The following NLRP11 variants were observed in gnomAD, a reference collection of about 807,000 sequenced individuals.
NLRP11 encodes NLR family pyrin domain containing 11, also known as NACHT, LRR and PYD domains-containing protein 11.
NLRP11 carries 53 observed loss-of-function variants against 79.3 expected under a neutral mutation model. That is an observed-to-expected ratio of 0.67 (90% CI 0.54 to 0.84). The LOEUF (loss-of-function observed/expected upper bound fraction) is 0.84, where lower values mean the gene tolerates loss of function less well. Ranked by LOEUF, NLRP11 falls within the 40% of genes least tolerant of loss-of-function variation. The probability of loss-of-function intolerance (pLI) is 0.00; values close to 1 mark genes in which losing one functional copy is unlikely to be tolerated. For missense variants in NLRP11, 1,264 were observed against 1,255.0 expected (o/e 1.01, Z -0.11); for synonymous variants, 518 against 462.6 (o/e 1.12, Z -1.54).
chr19:55,789,028 G>C (rs1990077556), intron 8 of NLRP11, 51 bp from the exon 9 acceptor site: 6 of 1,599,188 alleles, frequency 3.8e-6, no homozygotes, highest in Non-Finnish European at 5.1e-6. Flanking sequence ...GAGGAAAAAT[G>C]GCAGATGAGA....
intron 5 of NLRP11, among the ~76,000 whole-genome samples, chr19:55,796,941 G>C (rs938723329): frequency 6.6e-6 from 1 of 151,948 alleles, no homozygotes; most frequent in Admixed American, 6.5e-5. Context: ...CACCCGCCTC[G>C]GCCTCCCAAA....
At chr19:55,788,921 G>A (rs150476919) in exon 9 of NLRP11, 9 of 1,613,894 alleles carry the variant, frequency 5.6e-6, no homozygotes, top group Non-Finnish European at 7.6e-6. Flanking sequence ...TTTGTTGGTG[G>A]TAAGAACAGA....
At chr19:55,834,617 G>A (rs1281312539), upstream of NLRP11, among the ~76,000 whole-genome samples, 1 of 152,160 alleles carries the variant, frequency 6.6e-6, no homozygotes, top group Admixed American at 6.5e-5. Flanking sequence ...TTCCACTCAG[G>A]TAATCCAAAA....
At chr19:55,827,167 G>A (rs1041323692) in intron 1 of NLRP11, among the ~76,000 whole-genome samples, 1 of 137,534 alleles carries the variant, frequency 7.3e-6, no homozygotes, top group African/African-American at 3.0e-5. Flanking sequence ...AATGGGGAAA[G>A]GATTCCCTAT....
Position 55,819,180 on chromosome 19 carries a change from C to G in NLRP11, c.-62-944G>C, listed in dbSNP as rs1000240626. Among the ~76,000 whole-genome samples, 10 of 126,952 alleles carry G rather than the reference C, an allele frequency of 7.9e-5. No individual in the cohort carries two copies. The South Asian group carries it at 2.3e-3, about 29-fold the overall frequency. The allele number at this position is 126,952 out of a possible 152,430, so 83.3% of individuals were successfully genotyped here. ...ACACACACACACACACACACACACA[C>G]ACACACACAGGTTGCCTCTTCAATT... is the stretch of plus-strand genomic sequence containing the variant. On this transcript the variant is annotated intron_variant, in intron 1 of 9. Coordinates refer to ENST00000589093, the Ensembl canonical transcript of NLRP11.
At chr19:55,788,530 G>A (rs1990024023) in intron 9 of NLRP11, among the ~76,000 whole-genome samples, 1 of 151,566 alleles carries the variant, frequency 6.6e-6, no homozygotes, top group African/African-American at 2.4e-5. Flanking sequence ...CATGAGGTCA[G>A]GAGATTGAGA....
At chr19:55,808,252 TA>T (rs1980202138) in intron 3 of NLRP11, among the ~76,000 whole-genome samples, 1 of 152,206 alleles carries the variant, frequency 6.6e-6, no homozygotes, top group Non-Finnish European at 1.5e-5. Flanking sequence ...AATGCGAGAT[TA>T]TTAAATATTT....
chr19:55,812,592 G>T (rs1032332620), intron 2 of NLRP11, among the ~76,000 whole-genome samples: 5 of 152,146 alleles, frequency 3.3e-5, no homozygotes, highest in Non-Finnish European at 5.9e-5. Context: ...AAGACAAACG[G>T]TAAGTGTGGG....
chr19:55,791,780 A>G (rs1990248332), intron 7 of NLRP11, among the ~76,000 whole-genome samples: 1 of 152,154 alleles, frequency 6.6e-6, no homozygotes, highest in Admixed American at 6.5e-5. Flanking sequence ...GGCTTGTTAC[A>G]TATTTTTTCC....
chr19:55,820,239 C>G (rs779654227), intron 1 of NLRP11, among the ~76,000 whole-genome samples: 1 of 152,152 alleles, frequency 6.6e-6, no homozygotes, highest in Non-Finnish European at 1.5e-5. Flanking sequence ...AAGGAAGTCA[C>G]TGAGTTTCAG....
chr19:55,831,435 G>A (rs1461180744), intron 1 of NLRP11, among the ~76,000 whole-genome samples: 1 of 151,894 alleles, frequency 6.6e-6, no homozygotes, highest in Non-Finnish European at 1.5e-5. Flanking sequence ...GCTGGCGTGT[G>A]CCTGTCATTC....
In NLRP11 at chr19:55,809,993, T is replaced by C. The variant is rs139853922; in HGVS notation, c.617A>G (p.Asp206Gly). ...AATGGGAGCCTGGCCGTCAGGCCAG[T>C]CCTTGGCGATTAGCTCAGCCAAGCT... Residue 206 changes from aspartate (D) to glycine (G), a missense_variant, in exon 3 of 10, where the codon GAC becomes GGC. Transcript: ENST00000589093. This position sits in a 1 kb window ranked among gnomAD's most constrained non-coding sequence, Gnocchi z 4.5. The C allele has an allele frequency of 1.2e-6, 2 of 1,614,210 alleles. No homozygotes were observed. The highest frequency in any genetic ancestry group is 2.2e-5 in the East Asian group (1 of 44,876).
At chr19:55,827,530 A>G (rs1405138500) in intron 1 of NLRP11, among the ~76,000 whole-genome samples, 1 of 150,242 alleles carries the variant, frequency 6.7e-6, no homozygotes, top group African/African-American at 2.5e-5. Context: ...ACAAAGGGCT[A>G]ATATCCAGAA....
At chr19:55,791,801 A>G (rs1202243329) in intron 7 of NLRP11, among the ~76,000 whole-genome samples, 1 of 152,182 alleles carries the variant, frequency 6.6e-6, no homozygotes, top group Non-Finnish European at 1.5e-5. Flanking sequence ...TGGAAGTTCA[A>G]TCAGAGGCCA....
In NLRP11 at chr19:55,809,232, T is replaced by C. The variant is rs1373469741; in HGVS notation, c.1378A>G (p.Ile460Val). 2 of 1,613,890 alleles carry C rather than the reference T, an allele frequency of 1.2e-6. No individual in the cohort carries two copies. The highest frequency in any genetic ancestry group is 1.7e-6 in the Non-Finnish European group (2 of 1,179,872). Residue 460 changes from isoleucine to valine, a missense_variant, in exon 3 of 10, where the codon ATT (isoleucine) becomes GTT (valine). Ile to Val is a conservative substitution (Grantham distance 29). Coordinates refer to ENST00000589093, the Ensembl canonical transcript of NLRP11. This position sits in a 1 kb window ranked among gnomAD's most constrained non-coding sequence, Gnocchi z 4.5. ...TTGGGTACTGCCATCAGAAATGCAA[T>C]GGCTGTACAAAACTCCTGGACGTTC...
At chr19:55,830,997 G>A (rs1982706118) in intron 1 of NLRP11, among the ~76,000 whole-genome samples, 6 of 151,840 alleles carry the variant, frequency 4.0e-5, no homozygotes, top group Admixed American at 3.9e-4. Flanking sequence ...TGGAGGTTGG[G>A]CCCAGGAACC....
chr19:55,836,213 T>C (rs1983261943), upstream of NLRP11: 2 of 152,154 alleles, frequency 1.3e-5, no homozygotes. Context: ...GAGTTTAGCA[T>C]GTAGGAAGGA....
chr19:55,797,950 G>T (rs1979089726), intron 5 of NLRP11, among the ~76,000 whole-genome samples: 1 of 151,854 alleles, frequency 6.6e-6, no homozygotes, highest in African/African-American at 2.4e-5. Context: ...ATGGGGAGAG[G>T]GTTAGCCAGG....
intron 5 of NLRP11, among the ~76,000 whole-genome samples, chr19:55,799,828 G>A (rs540831817): frequency 2.4e-4 from 37 of 152,224 alleles, no homozygotes; most frequent in African/African-American, 8.9e-4. Context: ...TTAGCCATAC[G>A]TGGTGGCAAG....
Sources: allele counts gnomAD v4.1 joint callset (sites outside exome capture counted in the v4.1 genomes callset), GRCh38; gene constraint gnomAD v4.1.1; non-coding constraint Gnocchi (gnomAD v3.1); transcripts MANE v1.5; gene names NCBI Gene and HGNC (gene_info 2026-07-23, HGNC 2026-07-21).